Variants in EBF2 observed in about 807,000 individuals in gnomAD.
The protein encoded by EBF2 is EBF transcription factor 2, also known as transcription factor COE2.
Under a neutral mutation model 72.8 loss-of-function variants are expected in EBF2, and 21 were observed. The observed-to-expected ratio is 0.29, with a 90% confidence interval of 0.20 to 0.42. The LOEUF is 0.42. Among genes scored for constraint, EBF2 ranks in the 10% least tolerant of loss-of-function variants. The pLI is 1.00. For missense variants in EBF2, 637 were observed against 731.2 expected (o/e 0.87, Z 1.49); for synonymous variants, 299 against 274.2 (o/e 1.09, Z -0.89).
At chr8:25,949,429 A>G (rs1404975808) in intron 6 of EBF2, among the ~76,000 whole-genome samples, 1 of 152,178 alleles carries the variant, frequency 6.6e-6, no homozygotes, top group Non-Finnish European at 1.5e-5. Flanking sequence ...AAACCAAACC[A>G]CTCAAGGATT....
At chr8:26,010,972 C>G (rs928064260) in intron 6 of EBF2, among the ~76,000 whole-genome samples, 1 of 121,516 alleles carries the variant, frequency 8.2e-6, no homozygotes, top group Non-Finnish European at 1.7e-5. Flanking sequence ...GTTTTATATG[C>G]TTGCATATGT....
intron 6 of EBF2, among the ~76,000 whole-genome samples, chr8:25,987,883 C>T (rs1804485748): frequency 6.6e-6 from 1 of 152,070 alleles, no homozygotes; most frequent in African/African-American, 2.4e-5. Context: ...GTATATACTA[C>T]AGTAATATAC....
chr8:25,945,746 G>A (rs1452072078), intron 6 of EBF2, among the ~76,000 whole-genome samples: 1 of 151,974 alleles, frequency 6.6e-6, no homozygotes, highest in African/African-American at 2.4e-5. Flanking sequence ...TGGAGGGAAG[G>A]TGGTTCTGAT....
At chr8:25,857,428 G>A (rs1187426124) in intron 14 of EBF2, among the ~76,000 whole-genome samples, 4 of 152,070 alleles carry the variant, frequency 2.6e-5, no homozygotes, top group Non-Finnish European at 5.9e-5. Flanking sequence ...CTTGCTCTTG[G>A]CACAAGGGAA....
chr8:25,906,874 G>C (rs1055484691), intron 7 of EBF2, among the ~76,000 whole-genome samples: 6 of 152,166 alleles, frequency 3.9e-5, no homozygotes, highest in Admixed American at 2.6e-4. Flanking sequence ...ATAGTGTTAA[G>C]TATTGTAATG....
chr8:26,020,806 G>A (rs1223677290), intron 6 of EBF2, among the ~76,000 whole-genome samples: 2 of 152,098 alleles, frequency 1.3e-5, no homozygotes, highest in African/African-American at 2.4e-5. Flanking sequence ...TCTAAAGGGT[G>A]GTTACTCTTC....
intron 7 of EBF2, among the ~76,000 whole-genome samples, chr8:25,897,308 T>C (rs1357216128): frequency 6.6e-6 from 1 of 152,348 alleles, no homozygotes; most frequent in South Asian, 2.1e-4. Context: ...CACTGGTCAA[T>C]TTACTCAGTT....
chr8:26,009,779 G>A (rs1585226102), intron 6 of EBF2, among the ~76,000 whole-genome samples: 2 of 152,106 alleles, frequency 1.3e-5, no homozygotes, highest in East Asian at 1.9e-4. Context: ...TGTTTTGCAG[G>A]GAAACACCCC....
intron 6 of EBF2, among the ~76,000 whole-genome samples, chr8:25,934,486 A>G (rs1803540782): frequency 6.6e-6 from 1 of 152,166 alleles, no homozygotes; most frequent in Admixed American, 6.5e-5. Context: ...TCTCTCCACC[A>G]GTCATTTGGA....
chr8:25,947,882 C>T (rs757844978), intron 6 of EBF2, among the ~76,000 whole-genome samples: 3 of 152,234 alleles, frequency 2.0e-5, no homozygotes, highest in Non-Finnish European at 2.9e-5. Context: ...CGGGGCAGAC[C>T]TTGATAAACA....
At chr8:25,872,565 C>T (rs1470797931) in intron 10 of EBF2, among the ~76,000 whole-genome samples, 2 of 152,156 alleles carry the variant, frequency 1.3e-5, no homozygotes, top group African/African-American at 4.8e-5. Flanking sequence ...CCATGGTCTC[C>T]TAAGGGTGAC....
chr8:25,931,098 A>AT (rs1487513771), intron 6 of EBF2, among the ~76,000 whole-genome samples: 3 of 152,278 alleles, frequency 2.0e-5, no homozygotes, highest in Admixed American at 6.5e-5. Context: ...GCCTCAGCCC[A>AT]TTTTGCCATA....
intron 14 of EBF2, among the ~76,000 whole-genome samples, chr8:25,855,191 A>C (rs531053720): frequency 6.6e-6 from 1 of 152,272 alleles, no homozygotes; most frequent in South Asian, 2.1e-4. Flanking sequence ...AGGAGGATTG[A>C]TTGGCTTGCA....
At chr8:25,850,871 T>G in intron 14 of EBF2, 110 bp from the exon 15 acceptor site, 2 of 1,299,580 alleles carry the variant, frequency 1.5e-6, no homozygotes, top group South Asian at 3.1e-5. Context: ...TGTTCCAGAT[T>G]GCAGGGATTA....
intron 6 of EBF2, among the ~76,000 whole-genome samples, chr8:25,914,980 A>G (rs1803187162): frequency 6.6e-6 from 1 of 152,158 alleles, no homozygotes; most frequent in South Asian, 2.1e-4. Context: ...CTTATTTCCA[A>G]CTACACTCAA....
intron 9 of EBF2, among the ~76,000 whole-genome samples, chr8:25,887,447 A>G (rs1802710476): frequency 2.0e-5 from 3 of 152,206 alleles, no homozygotes; most frequent in African/African-American, 7.2e-5. Flanking sequence ...AAAAATTAAC[A>G]TCATAAAGAC....
chr8:26,018,931 TAAAA>T lies in EBF2; in HGVS notation c.551+14150_551+14153del, dbSNP rs1176680985. Reference sequence around the variant, plus strand: ...GGACCATCAGTGGGATCCATGGCAATAAAAAAAAAAAAAAAAAAAAAAAGGCAAA... The same window carrying T: ...GGACCATCAGTGGGATCCATGGCAATAAAAAAAAAAAAAAAAAAAGGCAAA... On this transcript the variant is annotated intron_variant, in intron 6 of 15. Transcript: ENST00000520164. Among the ~76,000 whole-genome samples, 141 of 107,552 alleles carry T rather than the reference TAAAA, an allele frequency of 1.3e-3. 1 individual carries two copies. Among genetic ancestry groups the T allele is most frequent in the South Asian group, 9.2e-3 (29 of 3,162 alleles). The allele number at this position is 107,552 out of a possible 152,430, so 70.6% of individuals were successfully genotyped here. A position where few individuals can be genotyped will look rare whatever the true frequency, so the allele number is the denominator to read the frequency against.
At chr8:25,877,165 A>G (rs943897796) in intron 10 of EBF2, among the ~76,000 whole-genome samples, 2 of 152,160 alleles carry the variant, frequency 1.3e-5, no homozygotes, top group Non-Finnish European at 2.9e-5. Flanking sequence ...CCATGCTCTG[A>G]TATCCTCTCC....
chr8:25,868,851 G>A (rs1404005139), intron 10 of EBF2, among the ~76,000 whole-genome samples: 1 of 152,062 alleles, frequency 6.6e-6, no homozygotes, highest in Admixed American at 6.6e-5. Flanking sequence ...ATTATTTGAG[G>A]TGTTGAGTCG....
Sources: gnomAD v4.1 joint callset for allele counts (sites outside exome capture counted in the v4.1 genomes callset) on GRCh38, gnomAD v4.1.1 for gene constraint, MANE v1.5 for transcripts, NCBI Gene and HGNC (gene_info 2026-07-23, HGNC 2026-07-21) for gene names.